The following SSU72 variants were observed in gnomAD, a reference collection of about 807,000 sequenced individuals.
SSU72 encodes RNA polymerase II subunit A C-terminal domain phosphatase SSU72.
In SSU72, 12 loss-of-function variants were observed where a neutral mutation model predicts 22.7. The observed-to-expected ratio is 0.53, with a 90% CI of 0.34 to 0.86. The LOEUF (loss-of-function observed/expected upper bound fraction) is 0.86, where lower values mean the gene tolerates loss of function less well. Among genes scored for constraint, SSU72 ranks in the 40% least tolerant of loss-of-function variants. The pLI, the probability that SSU72 is intolerant of heterozygous loss-of-function variation, is 0.02. For synonymous variants in SSU72, 116 were observed against 98.3 expected, an observed-to-expected ratio of 1.18 and a Z score of -1.06; for missense variants, 151 against 249.8, an observed-to-expected ratio of 0.60 and a Z score of 2.67.
intron 3 of SSU72, 111 bp downstream of exon 3, chr1:1,544,752 C>T (rs781712543): frequency 2.0e-5 from 30 of 1,518,232 alleles, no homozygotes; most frequent in South Asian, 3.4e-5. Context: ...GTCTGCTCCC[C>T]GGCCCCCGCC....
intron 2 of SSU72, among the ~76,000 whole-genome samples, chr1:1,559,041 A>C (rs1208135341): frequency 1.3e-5 from 2 of 152,266 alleles, no homozygotes; most frequent in African/African-American, 4.8e-5. Context: ...AAGCCTCTGC[A>C]CGTGACCCTG....
rs1642321979 is a variant in SSU72 at position 1,541,751 on chromosome 1, T to TGGGGAGG, written c.*308_*314dup. On this transcript the variant is annotated 3_prime_UTR_variant, in exon 5 of 5. Coordinates refer to ENST00000291386, the MANE Select transcript of SSU72 (RefSeq NM_014188.3). ...CAGGGCTCTGTACAGTCCGGCCCGGTGGGGAGGAGGGAGGGAAGGCAGGCA... is the reference window on the plus strand; with the variant it reads ...CAGGGCTCTGTACAGTCCGGCCCGGTGGGGAGGGGGGAGGAGGGAGGGAAGGCAGGCA... The TGGGGAGG allele has an allele frequency of 2.7e-6, 1 of 375,664 alleles. No individual in the cohort carries two copies. The allele number at this position is 375,664 out of a possible 1,614,324, so 23.3% of individuals were successfully genotyped here.
At chr1:1,550,625 G>A (rs888803805) in intron 2 of SSU72, among the ~76,000 whole-genome samples, 2 of 152,112 alleles carry the variant, frequency 1.3e-5, no homozygotes, top group African/African-American at 2.4e-5. Context: ...GCCAGGGATG[G>A]TCCCGGGCCC....
chr1:1,563,246 C>T (rs1013495875), intron 2 of SSU72: 7 of 152,116 alleles, frequency 4.6e-5, no homozygotes, highest in African/African-American at 1.7e-4. Flanking sequence ...ATTAAATATT[C>T]CAAGAGGCCA....
At chr1:1,549,405 C>T (rs1277952232) in intron 2 of SSU72, among the ~76,000 whole-genome samples, 4 of 151,904 alleles carry the variant, frequency 2.6e-5, no homozygotes, top group African/African-American at 2.4e-5. Flanking sequence ...CCTGTAGTCC[C>T]GGCTACTCAG....
chr1:1,545,013 G>T lies in SSU72; in HGVS notation c.225-11C>A, dbSNP rs371602770. The T allele has an allele frequency of 5.5e-5, 89 of 1,611,318 alleles. No homozygotes were observed. In the African/African-American group the frequency reaches 1.1e-3, roughly 20 times the overall value. ...CCATTCTGTGTATAGCTACACATGG[G>T]AGTTAAGGAACGTCAGAGAAAAGGC... On this transcript the variant is annotated splice_polypyrimidine_tract_variant and intron_variant, in intron 2 of 4. Coordinates refer to ENST00000291386, the MANE Select transcript of SSU72 (RefSeq NM_014188.3).
chr1:1,542,318 C>T lies in SSU72; in HGVS notation c.484-151G>A, dbSNP rs551563701. 3.3e-4 allele frequency: 235 copies of T among 718,632 alleles called. No homozygotes were observed. The African/African-American group carries it at 3.4e-3, about 10-fold the overall frequency. 44.5% of individuals were successfully genotyped at this position (718,632 alleles called of 1,614,324 possible). A position where few individuals can be genotyped will look rare whatever the true frequency, so the allele number is the denominator to read the frequency against. On this transcript the variant is annotated intron_variant, in intron 4 of 4. Transcript: ENST00000291386. This position sits in a 1 kb window ranked among gnomAD's most constrained non-coding sequence, Gnocchi z 4.4. ...CCCCACCGCTGCTGCCTCACAAGGA[C>T]GGCCGGAGGCTGCAGGGGGAGAGCG... is the stretch of plus-strand genomic sequence containing the variant.
At chr1:1,563,216 G>C (rs1341834268) in intron 2 of SSU72, 3 of 152,200 alleles carry the variant, frequency 2.0e-5, no homozygotes, top group African/African-American at 7.2e-5. Context: ...ATCTACCTGT[G>C]TATAAGAATT....
At chr1:1,548,207 C>T (rs1463410152) in intron 2 of SSU72, among the ~76,000 whole-genome samples, 1 of 152,160 alleles carries the variant, frequency 6.6e-6, no homozygotes, top group African/African-American at 2.4e-5. Flanking sequence ...GGCCAACACC[C>T]GAAGGCCATG....
Position 1,554,229 on chromosome 1 carries a change from C to T in SSU72, c.225-9227G>A, listed in dbSNP as rs542613298. On this transcript the variant is annotated intron_variant, in intron 2 of 4. Transcript: ENST00000291386. The surrounding 1 kb of genome is among the most constrained non-coding windows in gnomAD (Gnocchi z 4.1). ...GATCCGGACCACTAAGGGGTCCCCA[C>T]GAAGCTGAGCATGAGGCGGACCCGG... 4.9e-5 allele frequency among the ~76,000 whole-genome samples: 7 copies of T among 143,706 alleles called. No homozygotes were observed. Among genetic ancestry groups the T allele is most frequent in the South Asian group, 2.1e-4 (1 of 4,748 alleles). The allele number at this position is 143,706 out of a possible 152,430, so 94.3% of individuals were successfully genotyped here.
intron 2 of SSU72, among the ~76,000 whole-genome samples, chr1:1,558,074 T>C (rs1344525283): frequency 6.6e-6 from 1 of 151,692 alleles, no homozygotes; most frequent in Non-Finnish European, 1.5e-5. Context: ...TGGTGGCACA[T>C]GCCTGAAATC....
At chr1:1,543,527 G>T (rs1215863566) in intron 4 of SSU72, among the ~76,000 whole-genome samples, 1 of 152,174 alleles carries the variant, frequency 6.6e-6, no homozygotes, top group Non-Finnish European at 1.5e-5. Context: ...CTACCAGCAG[G>T]CGCCCCCGAC....
intron 2 of SSU72, chr1:1,563,042 T>G (rs1642614168): frequency 6.6e-6 from 1 of 152,412 alleles, no homozygotes; most frequent in African/African-American, 2.4e-5. Context: ...GCTGGGGAGC[T>G]GACAGCAGAC....
intron 1 of SSU72, among the ~76,000 whole-genome samples, chr1:1,566,567 G>C (rs960848999): frequency 2.6e-5 from 4 of 151,976 alleles, no homozygotes; most frequent in Admixed American, 2.6e-4. Context: ...AAAAAGAAAA[G>C]TAAGGCCGGG....
intron 2 of SSU72, among the ~76,000 whole-genome samples, chr1:1,552,350 C>T (rs757846904): frequency 1.3e-5 from 2 of 152,230 alleles, no homozygotes; most frequent in Non-Finnish European, 1.5e-5. Context: ...CGTCCCTGTG[C>T]GGCCTCCTCC....
At chr1:1,572,182 C>T (rs1009325106) in intron 1 of SSU72, among the ~76,000 whole-genome samples, 3 of 148,254 alleles carry the variant, frequency 2.0e-5, no homozygotes, top group African/African-American at 7.4e-5. Context: ...AATCCCAGCA[C>T]TTTGGGAGGC....
At position 1,541,717 on chromosome 1, in the gene SSU72, A is replaced by ACGC. The variant is rs1642321104; in HGVS notation, c.*346_*348dup. 3.9e-6 allele frequency: 1 copy of ACGC among 255,546 alleles called. No homozygotes were observed. The highest frequency in any genetic ancestry group is 7.7e-6 in the Non-Finnish European group (1 of 129,520). The allele number at this position is 255,546 out of a possible 1,614,324, so 15.8% of individuals were successfully genotyped here. A position where few individuals can be genotyped will look rare whatever the true frequency, so the allele number is the denominator to read the frequency against. ...TTGACAATTCCAGGTCATTCCTAAC[A>ACGC]CGCCGCAGCAGGGCTCTGTACAGTC... On this transcript the variant is annotated 3_prime_UTR_variant, in exon 5 of 5. Coordinates refer to ENST00000291386, the MANE Select transcript of SSU72 (RefSeq NM_014188.3).
At chr1:1,555,282 C>T (rs925441351) in intron 2 of SSU72, among the ~76,000 whole-genome samples, 1 of 152,240 alleles carries the variant, frequency 6.6e-6, no homozygotes, top group Non-Finnish European at 1.5e-5. Context: ...GGTATCTGTG[C>T]TCCTGGTGCA....
chr1:1,564,390 GCACGCACA>G, intron 2 of SSU72: 1 of 1,298,374 alleles, frequency 7.7e-7, no homozygotes, highest in Non-Finnish European at 1.0e-6. Flanking sequence ...TATCAGGCAC[GCACGCACA>G]CACGCACGCA....
Sources: gnomAD v4.1 joint callset for allele counts (sites outside exome capture counted in the v4.1 genomes callset) on GRCh38, gnomAD v4.1.1 for gene constraint, Gnocchi (gnomAD v3.1) non-coding constraint, MANE v1.5 for transcripts, NCBI Gene and HGNC (gene_info 2026-07-23, HGNC 2026-07-21) for gene names.